The following CNTN4 variants were observed in gnomAD, a reference collection of about 807,000 sequenced individuals.
The protein encoded by CNTN4 is contactin-4.
In CNTN4, 77 loss-of-function variants were observed where a neutral mutation model predicts 122.5. The ratio of observed to expected loss-of-function variants is 0.63; its 90% CI spans 0.52 to 0.76. The LOEUF is 0.76. Ranked by LOEUF, CNTN4 falls within the 30% of genes least tolerant of loss-of-function variation. The pLI, the probability that CNTN4 is intolerant of heterozygous loss-of-function variation, is 0.00. For missense variants in CNTN4, 1,256 were observed against 1,259.1 expected (o/e 1.00, Z 0.04); for synonymous variants, 512 against 447.0 (o/e 1.15, Z -1.83).
intron 3 of CNTN4, among the ~76,000 whole-genome samples, chr3:2,438,417 G>T (rs1250721354): frequency 6.6e-6 from 1 of 152,160 alleles, no homozygotes; most frequent in Non-Finnish European, 1.5e-5. Context: ...AGCTACTTGG[G>T]TGGCTGAGGC....
intron 3 of CNTN4, among the ~76,000 whole-genome samples, chr3:2,502,707 C>A (rs142759653): frequency 2.0e-5 from 3 of 152,096 alleles, no homozygotes; most frequent in South Asian, 2.1e-4. Flanking sequence ...ATTGTTGGAA[C>A]TTTACCTTCA....
At chr3:2,652,758 CGT>C (rs2083421040) in intron 4 of CNTN4, among the ~76,000 whole-genome samples, 1 of 151,954 alleles carries the variant, frequency 6.6e-6, no homozygotes, top group Admixed American at 6.6e-5. Flanking sequence ...GAGTGGATCT[CGT>C]GTGTGAATGT....
intron 3 of CNTN4, among the ~76,000 whole-genome samples, chr3:2,356,082 C>G (rs1301749397): frequency 6.6e-6 from 1 of 152,088 alleles, no homozygotes; most frequent in Admixed American, 6.6e-5. Flanking sequence ...ATTGGTGTTT[C>G]CACTTCCTGT....
chr3:2,708,708 A>G (rs993798389), intron 4 of CNTN4, among the ~76,000 whole-genome samples: 1 of 148,892 alleles, frequency 6.7e-6, no homozygotes, highest in Admixed American at 6.7e-5. Flanking sequence ...CCATGCACGC[A>G]GGCACGCGCA....
chr3:2,802,937 A>G (rs2092382854), intron 6 of CNTN4, among the ~76,000 whole-genome samples: 1 of 152,222 alleles, frequency 6.6e-6, no homozygotes, highest in African/African-American at 2.4e-5. Context: ...GAAATTAAGA[A>G]TGTTAGCCTT....
rs181520291 is a variant in CNTN4, at chr3:2,376,984, C to T, written c.-89+37751C>T. Among the ~76,000 whole-genome samples the T allele has an allele frequency of 1.9e-3, 289 of 152,124 alleles. 2 individuals are homozygous for T. Among genetic ancestry groups the T allele is most frequent in the African/African-American group, 6.4e-3 (265 of 41,524 alleles). On this transcript the variant is annotated intron_variant, in intron 3 of 24. Coordinates refer to ENST00000418658, the MANE Select transcript of CNTN4 (RefSeq NM_175607.3). ...CATCCTGGCCAACATGGTGAAACTC[C>T]GTCTCTACTAAAAATACAAAAATTA...
intron 7 of CNTN4, among the ~76,000 whole-genome samples, chr3:2,840,518 G>A (rs895306210): frequency 9.0e-6 from 1 of 111,244 alleles, no homozygotes; most frequent in Non-Finnish European, 1.9e-5. Flanking sequence ...GGCTAACACG[G>A]TGAAACCCCG....
intron 3 of CNTN4, among the ~76,000 whole-genome samples, chr3:2,444,020 C>T (rs1421713903): frequency 6.6e-6 from 1 of 152,036 alleles, no homozygotes; most frequent in Non-Finnish European, 1.5e-5. Flanking sequence ...TAGCCCCAGC[C>T]ACCTTAATTT....
rs540141655 is a variant in CNTN4 at position 2,550,450 on chromosome 3, G to A, written c.-88-20966G>A. Among the ~76,000 whole-genome samples the A allele has an allele frequency of 1.2e-3, 176 of 152,238 alleles. 1 individual carries two copies. Among genetic ancestry groups the A allele is most frequent in the Admixed American group, 3.7e-3 (56 of 15,276 alleles). ...GTGATCATTAAAAAGTCAGGAAACA[G>A]CAGATGCTGGAGAGGATGCAGAGAA... On this transcript the variant is annotated intron_variant, in intron 3 of 24. Coordinates refer to ENST00000418658, the MANE Select transcript of CNTN4 (RefSeq NM_175607.3).
chr3:2,379,583 T>A (rs1247520992), intron 3 of CNTN4, among the ~76,000 whole-genome samples: 1 of 152,194 alleles, frequency 6.6e-6, no homozygotes, highest in African/African-American at 2.4e-5. Context: ...AGATGAGTAT[T>A]TATAAAATAT....
At chr3:2,828,145 G>C (rs144976708) in intron 7 of CNTN4, among the ~76,000 whole-genome samples, 6 of 151,906 alleles carry the variant, frequency 3.9e-5, no homozygotes, top group South Asian at 2.1e-4. Context: ...GTGTGTGTGC[G>C]TGTGTGTATA....
At chr3:2,932,809 T>C (rs2094533473) in intron 13 of CNTN4, among the ~76,000 whole-genome samples, 1 of 97,872 alleles carries the variant, frequency 1.0e-5, no homozygotes, top group South Asian at 3.1e-4. Context: ...TCTTTATTTA[T>C]TTATTTATTT....
rs146142777 is a variant in CNTN4, at chr3:3,005,986, C to T, written c.1486+17514C>T. On this transcript the variant is annotated intron_variant, in intron 14 of 24. Coordinates refer to ENST00000418658, the MANE Select transcript of CNTN4 (RefSeq NM_175607.3). ...CTGCCAGCTCTGCCTCCCAGGTTCA[C>T]GCCATTCTCGTGCCTCAGCCTCCCA... Among the ~76,000 whole-genome samples, 17 of 151,136 alleles carry T rather than the reference C, an allele frequency of 1.1e-4. No individual in the cohort carries two copies. In the East Asian group the frequency reaches 2.4e-3, roughly 21 times the overall value.
chr3:2,218,624 A>G (rs527533781), intron 2 of CNTN4, among the ~76,000 whole-genome samples: 4 of 152,368 alleles, frequency 2.6e-5, no homozygotes, highest in Non-Finnish European at 5.9e-5. Context: ...GATAACTATA[A>G]AAATTCCACA....
At chr3:2,597,220 A>G (rs1165850777) in intron 4 of CNTN4, among the ~76,000 whole-genome samples, 1 of 152,160 alleles carries the variant, frequency 6.6e-6, no homozygotes. Flanking sequence ...TAGCAGTTCC[A>G]TAGCCAAGAT....
At chr3:2,907,246 G>A (rs1046420961) in intron 12 of CNTN4, among the ~76,000 whole-genome samples, 2 of 152,124 alleles carry the variant, frequency 1.3e-5, no homozygotes, top group African/African-American at 4.8e-5. Context: ...ATTGAACAAA[G>A]AAACAAAATG....
In CNTN4 at chr3:2,819,569, C is replaced by T. The variant is rs773828221; in HGVS notation, c.442C>T (p.Pro148Ser). The T allele has an allele frequency of 2.5e-6, 4 of 1,612,034 alleles. No homozygotes were observed. Among genetic ancestry groups the T allele is most frequent in the Admixed American group, 1.7e-5 (1 of 60,002 alleles). ...AATGGTGCTACTGTGTGGCCCGCCA[C>T]CCCATTCTGGAGGTACATATAAATG... ...QGMVLLCGPP[P>S]HSGELSYAWI... Residue 148 changes from proline to serine, a missense_variant, in exon 7 of 25, where the codon CCC (proline) becomes TCC (serine). Transcript: ENST00000418658.
intron 12 of CNTN4, among the ~76,000 whole-genome samples, chr3:2,919,538 A>G (rs2094406401): frequency 6.6e-6 from 1 of 152,198 alleles, no homozygotes; most frequent in South Asian, 2.1e-4. Flanking sequence ...GCTAATAACA[A>G]GAGCTACTAT....
chr3:2,684,267 T>C (rs989100338), intron 4 of CNTN4, among the ~76,000 whole-genome samples: 9 of 151,942 alleles, frequency 5.9e-5, no homozygotes, highest in Non-Finnish European at 1.0e-4. Context: ...ATGAATCCCA[T>C]TGAGGAAAAA....
Sources: gnomAD v4.1 joint callset for allele counts (sites outside exome capture counted in the v4.1 genomes callset) on GRCh38, gnomAD v4.1.1 for gene constraint, MANE v1.5 for transcripts, NCBI Gene and HGNC (gene_info 2026-07-23, HGNC 2026-07-21) for gene names.